The following BMAL2 variants were observed in gnomAD, a reference collection of about 807,000 sequenced individuals.
BMAL2 encodes the protein basic helix-loop-helix ARNT like 2.
the BMAL2 span, chr12:27,424,032 T>C: frequency 6.6e-6 from 1 of 152,238 alleles, no homozygotes; most frequent in African/African-American, 2.4e-5. Flanking sequence ...AATTTTATAT[T>C]AATTACATGT....
the BMAL2 span, among the ~76,000 whole-genome samples, chr12:27,370,541 T>A: frequency 1.3e-5 from 2 of 152,150 alleles, no homozygotes; most frequent in Non-Finnish European, 2.9e-5. Context: ...AGGAAAAATA[T>A]ATGAGAATGT....
chr12:27,392,674 C>T, the BMAL2 span, among the ~76,000 whole-genome samples: 3 of 151,976 alleles, frequency 2.0e-5, no homozygotes, highest in Non-Finnish European at 2.9e-5. Flanking sequence ...CACAGAAATC[C>T]GTAAGAGGAA....
chr12:27,383,178 C>G, the BMAL2 span, among the ~76,000 whole-genome samples: 3 of 152,154 alleles, frequency 2.0e-5, no homozygotes, highest in Non-Finnish European at 1.5e-5. Flanking sequence ...ATGTGACTTA[C>G]TCAAGTTATT....
At chr12:27,366,783 A>T in the BMAL2 span, among the ~76,000 whole-genome samples, 2 of 152,250 alleles carry the variant, frequency 1.3e-5, no homozygotes, top group African/African-American at 4.8e-5. Flanking sequence ...CAAATAAAAT[A>T]AAATTAAATG....
At chr12:27,409,346 A>G in the BMAL2 span, among the ~76,000 whole-genome samples, 6 of 152,236 alleles carry the variant, frequency 3.9e-5, no homozygotes, top group African/African-American at 7.2e-5. Context: ...TTCAAACTGT[A>G]CTACAAAGCT....
chr12:27,412,960 G>A, the BMAL2 span, among the ~76,000 whole-genome samples: 3 of 151,746 alleles, frequency 2.0e-5, no homozygotes, highest in Non-Finnish European at 4.4e-5. Flanking sequence ...AACCTTGCAG[G>A]CCGGGAGAGA....
At chr12:27,406,638 A>G in the BMAL2 span, among the ~76,000 whole-genome samples, 7 of 152,230 alleles carry the variant, frequency 4.6e-5, no homozygotes, top group Non-Finnish European at 7.3e-5. Flanking sequence ...CACTGCAAAA[A>G]CATGCCAAAT....
chr12:27,368,500 C>G, the BMAL2 span: 1 of 1,468,710 alleles, frequency 6.8e-7, no homozygotes, highest in Non-Finnish European at 9.3e-7. Context: ...TAATTATTTC[C>G]AAGTTCATGG....
At chr12:27,369,675 C>T in the BMAL2 span, among the ~76,000 whole-genome samples, 2 of 152,032 alleles carry the variant, frequency 1.3e-5, no homozygotes, top group African/African-American at 2.4e-5. Context: ...ATTGTTCTTT[C>T]TTGGTGTCTA....
chr12:27,413,641 A>G, the BMAL2 span, among the ~76,000 whole-genome samples: 1 of 152,350 alleles, frequency 6.6e-6, no homozygotes. Context: ...ATAGCCTAGT[A>G]GGTACTTTAC....
chr12:27,356,805 A>G, the BMAL2 span, among the ~76,000 whole-genome samples: 1 of 152,158 alleles, frequency 6.6e-6, no homozygotes, highest in Non-Finnish European at 1.5e-5. Context: ...GTGTTTGGTT[A>G]CATGAATAAG....
the BMAL2 span, among the ~76,000 whole-genome samples, chr12:27,357,180 T>G: frequency 6.6e-6 from 1 of 152,234 alleles, no homozygotes; most frequent in Non-Finnish European, 1.5e-5. Flanking sequence ...TGATTCCATA[T>G]TTTTGCAATT....
chr12:27,416,039 T>C, the BMAL2 span: 1 of 891,284 alleles, frequency 1.1e-6, no homozygotes, highest in South Asian at 1.7e-5. Context: ...AAGAAGCCAT[T>C]CTGTCAAAAA....
At chr12:27,335,373 C>T in the BMAL2 span, among the ~76,000 whole-genome samples, 1 of 152,164 alleles carries the variant, frequency 6.6e-6, no homozygotes, top group Admixed American at 6.5e-5. Flanking sequence ...AGAGGGCAGT[C>T]TTGGGGAGCA....
the BMAL2 span, among the ~76,000 whole-genome samples, chr12:27,406,377 A>G: frequency 6.6e-6 from 1 of 152,252 alleles, no homozygotes; most frequent in Non-Finnish European, 1.5e-5. Flanking sequence ...GAAGCCCATC[A>G]GACTAACAGC....
chr12:27,406,534 A>C, the BMAL2 span, among the ~76,000 whole-genome samples: 1 of 152,178 alleles, frequency 6.6e-6, no homozygotes, highest in African/African-American at 2.4e-5. Context: ...CTTTACAGAC[A>C]AGCAAATGCT....
the BMAL2 span, among the ~76,000 whole-genome samples, chr12:27,336,416 A>G: frequency 3.8e-4 from 58 of 152,248 alleles, no homozygotes; most frequent in Middle Eastern, 0.01. Flanking sequence ...AAGAGCCTTC[A>G]GTGTAAGCCC....
At chr12:27,398,382 C>T in the BMAL2 span, among the ~76,000 whole-genome samples, 3 of 152,166 alleles carry the variant, frequency 2.0e-5, no homozygotes, top group African/African-American at 7.2e-5. Flanking sequence ...GCCTGTGGAG[C>T]CGATGTAAGT....
the BMAL2 span, among the ~76,000 whole-genome samples, chr12:27,336,024 A>C: frequency 6.6e-6 from 1 of 152,150 alleles, no homozygotes. Context: ...TGAAATCTCC[A>C]TTTGTGTCAT....
Sources: gnomAD v4.1 joint callset for allele counts (sites outside exome capture counted in the v4.1 genomes callset) on GRCh38, gnomAD v4.1.1 for gene constraint, MANE v1.5 for transcripts, NCBI Gene and HGNC (gene_info 2026-07-23, HGNC 2026-07-21) for gene names.